MNS1: variants seen among roughly 807,000 people sequenced by gnomAD.
MNS1 encodes meiosis specific nuclear structural 1.
Under a neutral mutation model 72.0 loss-of-function variants are expected in MNS1, and 63 were observed. The observed-to-expected ratio is 0.87, with a 90% CI of 0.71 to 1.08. The LOEUF (loss-of-function observed/expected upper bound fraction) is 1.08, where lower values mean the gene tolerates loss of function less well. Among genes scored for constraint, MNS1 ranks in the 50% least tolerant of loss-of-function variants. The pLI, the probability that MNS1 is intolerant of heterozygous loss-of-function variation, is 0.00. For synonymous variants in MNS1, 188 were observed against 172.1 expected (o/e 1.09, Z -0.72); for missense variants, 604 against 562.4 (o/e 1.07, Z -0.75).
rs538408627 is a variant in MNS1 at position 56,430,771 on chromosome 15, G to C, written c.1395+602C>G. Among the ~76,000 whole-genome samples, 5 of 152,256 alleles carry C rather than the reference G, an allele frequency of 3.3e-5. No individual in the cohort carries two copies. The South Asian group carries it at 1.0e-3, about 32-fold the overall frequency. On this transcript the variant is annotated intron_variant, in intron 9 of 9. Transcript: ENST00000260453. ...CATGTGCCTATTACTGGTGTTACCA[G>C]TGACAATGTTTTCATACACATTCTC...
chr15:56,456,956 G>A (rs573258091), intron 2 of MNS1, among the ~76,000 whole-genome samples: 16 of 152,098 alleles, frequency 1.1e-4, no homozygotes, highest in East Asian at 5.8e-4. Context: ...TCATCAACAC[G>A]TCTAATTAAC....
At chr15:56,443,605 T>G in intron 6 of MNS1, 33 bp downstream of exon 6, 2 of 1,594,344 alleles carry the variant, frequency 1.3e-6, no homozygotes, top group Non-Finnish European at 1.7e-6. Flanking sequence ...TTTCAGAATT[T>G]TACTAGTGTT....
Position 56,431,387 on chromosome 15 carries a change from C to G in MNS1, c.1381G>C (p.Gly461Arg), listed in dbSNP as rs1304791617. 1.2e-6 allele frequency: 2 copies of G among 1,611,824 alleles called. No individual in the cohort carries two copies. The highest frequency in any genetic ancestry group is 1.7e-6 in the Non-Finnish European group (2 of 1,179,218). ...ATCTCACTTACTTTAGGGAGATAGC[C>G]TAGTAAGTTTGTAGCATGCTCTTTA... ...LLKEHATNLLGYLPKGVFKKE... is the reference protein window; with the variant it reads ...LLKEHATNLLRYLPKGVFKKE... The change falls in exon 9 of 10, where the codon GGC (glycine) becomes CGC (arginine). Residue 461 changes from glycine to arginine, a missense_variant. Transcript: ENST00000260453.
chr15:56,463,701 G>C lies in MNS1; in HGVS notation c.225+325C>G, dbSNP rs562406410. 1.9e-5 allele frequency: 4 copies of C among 214,036 alleles called. No individual in the cohort carries two copies. The East Asian group carries it at 4.7e-4, about 25-fold the overall frequency. The allele number at this position is 214,036 out of a possible 1,614,324, so 13.3% of individuals were successfully genotyped here. ...GGAGGCTGAGGCAGAAGAATCGCTT[G>C]AACCCCGGAGGCAGAGGTTGCAGTG... On this transcript the variant is annotated intron_variant, in intron 2 of 9. Coordinates refer to ENST00000260453, the MANE Select transcript of MNS1 (RefSeq NM_018365.4).
At chr15:56,434,734 T>C in intron 7 of MNS1, among the ~76,000 whole-genome samples, 1 of 152,130 alleles carries the variant, frequency 6.6e-6, no homozygotes, top group East Asian at 1.9e-4. Context: ...CTATGGTAAC[T>C]ATGAATCATT....
At chr15:56,435,575 A>C (rs904780970) in intron 7 of MNS1, among the ~76,000 whole-genome samples, 3 of 152,106 alleles carry the variant, frequency 2.0e-5, no homozygotes, top group Non-Finnish European at 4.4e-5. Flanking sequence ...AACTTAGATG[A>C]AATGGATCAC....
Position 56,465,041 on chromosome 15 carries a change from C to T in MNS1, c.-69G>A, listed in dbSNP as rs1348401238. ...CACCTCCCGCCGCAAACGCAGCAGC[C>T]AGCAGCCCCAAGGAGCGCACCTGGC... On this transcript the variant is annotated 5_prime_UTR_variant, in exon 1 of 10. Transcript: ENST00000260453. 4 of 1,591,404 alleles carry T rather than the reference C, an allele frequency of 2.5e-6. No individual in the cohort carries two copies. Among genetic ancestry groups the T allele is most frequent in the Admixed American group, 3.6e-5 (2 of 55,730 alleles).
chr15:56,434,021 G>C, intron 8 of MNS1, 117 bp downstream of exon 8: 1 of 1,157,682 alleles, frequency 8.6e-7, no homozygotes, highest in Non-Finnish European at 1.2e-6. Context: ...ATATATATTA[G>C]TAAACATACT....
intron 1 of MNS1, among the ~76,000 whole-genome samples, 189 bp downstream of exon 1, chr15:56,464,781 G>C (rs1202641492): frequency 6.6e-6 from 1 of 152,098 alleles, no homozygotes; most frequent in Non-Finnish European, 1.5e-5. Flanking sequence ...TATGCGAAAA[G>C]TGCCAAAAAA....
intron 3 of MNS1, among the ~76,000 whole-genome samples, chr15:56,451,644 T>G (rs1440594993): frequency 1.3e-5 from 2 of 152,196 alleles, no homozygotes; most frequent in Admixed American, 6.5e-5. Flanking sequence ...CAATTTTGAT[T>G]ATAGACAGTC....
chr15:56,434,757 T>A (rs1262845666), intron 7 of MNS1, among the ~76,000 whole-genome samples: 4 of 152,144 alleles, frequency 2.6e-5, no homozygotes, highest in Middle Eastern at 3.2e-3. Flanking sequence ...AGAATCTTGC[T>A]TACAAAAGCT....
chr15:56,443,525 A>C lies in MNS1; in HGVS notation c.916T>G (p.Leu306Val). The part of the protein sequence containing the change: ...LQLQNALTQK[L>V]EEMLRQREDL... Reference sequence around the variant, plus strand: ...TCACGTTGCCGCAGCATTTCTTCTAATTTCTGTGTCAACTATTAAATTTTT... The same window carrying C: ...TCACGTTGCCGCAGCATTTCTTCTACTTTCTGTGTCAACTATTAAATTTTT... The change falls in exon 7 of 10, where the codon TTA (leucine) becomes GTA (valine). Residue 306 changes from leucine to valine, a missense_variant. Coordinates refer to ENST00000260453, the MANE Select transcript of MNS1 (RefSeq NM_018365.4). The C allele has an allele frequency of 6.3e-7, 1 of 1,592,346 alleles. No individual in the cohort carries two copies. Among genetic ancestry groups the C allele is most frequent in the Non-Finnish European group, 8.5e-7 (1 of 1,173,916 alleles).
At chr15:56,448,405 T>C (rs2050923355) in intron 3 of MNS1, among the ~76,000 whole-genome samples, 2 of 152,220 alleles carry the variant, frequency 1.3e-5, no homozygotes, top group Non-Finnish European at 2.9e-5. Flanking sequence ...CACCCTCTCA[T>C]AGTTCACAGT....
At chr15:56,461,992 T>TG (rs1567155366) in intron 2 of MNS1, among the ~76,000 whole-genome samples, 11 of 129,558 alleles carry the variant, frequency 8.5e-5, no homozygotes, top group South Asian at 2.4e-4. Context: ...TTTTTTTTTT[T>TG]TTTTTTTTTT....
chr15:56,452,522 CTT>C (rs200065158), intron 3 of MNS1, among the ~76,000 whole-genome samples: 74 of 138,836 alleles, frequency 5.3e-4, no homozygotes, highest in Non-Finnish European at 4.9e-4. Flanking sequence ...TTCTTTTTTT[CTT>C]TTTTTTTTTT....
At chr15:56,460,002 A>AT (rs1567154736) in intron 2 of MNS1, among the ~76,000 whole-genome samples, 29 of 57,212 alleles carry the variant, frequency 5.1e-4, no homozygotes, top group African/African-American at 1.8e-3. Context: ...AAAAAAAAAA[A>AT]AAAAAAAATA....
rs795787 is a variant in MNS1 at position 56,429,066 on chromosome 15, G to A, written c.*35C>T. 1 allele frequency: 1,387,925 copies of A among 1,388,564 alleles called. 693,644 individuals are homozygous for A. The highest frequency in any genetic ancestry group is 1 in the East Asian group (41,428 of 41,428). The allele number at this position is 1,388,564 out of a possible 1,614,324, so 86.0% of individuals were successfully genotyped here. The stretch of plus-strand genomic sequence containing the variant: ...TTATGCTGACATCTAGTGGTAACAT[G>A]CAAAAAATCTATGCTTTACCCAATT... On this transcript the variant is annotated 3_prime_UTR_variant, in exon 10 of 10. Coordinates refer to ENST00000260453, the MANE Select transcript of MNS1 (RefSeq NM_018365.4).
chr15:56,460,656 A>G lies in MNS1; in HGVS notation c.225+3370T>C, dbSNP rs184744359. On this transcript the variant is annotated intron_variant, in intron 2 of 9. Coordinates refer to ENST00000260453, the MANE Select transcript of MNS1 (RefSeq NM_018365.4). Reference sequence around the variant, plus strand: ...TCTCCTATAAATCTAAACTTATCTCAAAATAATAAGTTAAAAATATGCATA... The same window carrying G: ...TCTCCTATAAATCTAAACTTATCTCGAAATAATAAGTTAAAAATATGCATA... Among the ~76,000 whole-genome samples the G allele has an allele frequency of 1.5e-3, 235 of 152,290 alleles. 2 individuals carry two copies. Among genetic ancestry groups the G allele is most frequent in the African/African-American group, 5.4e-3 (225 of 41,550 alleles).
intron 2 of MNS1, among the ~76,000 whole-genome samples, chr15:56,459,445 T>G (rs764517598): frequency 2.6e-5 from 4 of 152,218 alleles, no homozygotes; most frequent in Non-Finnish European, 5.9e-5. Context: ...TATGTAGATA[T>G]ATGCCTTCAA....
Sources: gnomAD v4.1 joint callset for allele counts (sites outside exome capture counted in the v4.1 genomes callset) on GRCh38, gnomAD v4.1.1 for gene constraint, MANE v1.5 for transcripts, NCBI Gene and HGNC (gene_info 2026-07-23, HGNC 2026-07-21) for gene names.